SRSF9: variants seen among roughly 807,000 people sequenced by gnomAD.
SRSF9 encodes serine and arginine rich splicing factor 9.
In SRSF9, 3 loss-of-function variants were observed where a neutral mutation model predicts 25.9. That is an observed-to-expected ratio of 0.12 (90% CI 0.05 to 0.30). The LOEUF (loss-of-function observed/expected upper bound fraction) is 0.30. Ranked by LOEUF, SRSF9 falls within the 10% of genes least tolerant of loss-of-function variation. SRSF9 has a pLI of 1.00. For missense variants in SRSF9, 161 were observed against 303.5 expected, an observed-to-expected ratio of 0.53 and a Z score of 3.49; for synonymous variants, 114 against 113.2, an observed-to-expected ratio of 1.01 and a Z score of -0.05.
intron 3 of SRSF9, 65 bp downstream of exon 3, chr12:120,463,885 C>G: frequency 6.5e-7 from 1 of 1,534,460 alleles, no homozygotes. Context: ...CTTGCTACCT[C>G]TGCTAGGTCA....
rs779936408 is a variant in SRSF9, at chr12:120,462,165, G to GC, written c.523-4_523-3insG. 57 of 1,605,404 alleles carry GC rather than the reference G, an allele frequency of 3.6e-5. No individual in the cohort carries two copies. Among genetic ancestry groups the GC allele is most frequent in the Non-Finnish European group, 4.7e-5 (55 of 1,176,588 alleles). ...ACTCGGATGTAGGAAGTTTCACCCT[G>GC]AAATGCAAACAAAAACAAAAAGAGT... is the stretch of plus-strand genomic sequence containing the variant. On this transcript the variant is annotated splice_region_variant and splice_polypyrimidine_tract_variant and intron_variant, in intron 3 of 3. Coordinates refer to ENST00000229390, the MANE Select transcript of SRSF9 (RefSeq NM_003769.3).
intron 1 of SRSF9, among the ~76,000 whole-genome samples, chr12:120,467,761 T>C (rs1354466543): frequency 6.6e-6 from 1 of 151,282 alleles, no homozygotes; most frequent in Non-Finnish European, 1.5e-5. Context: ...GCGTATCATA[T>C]AGTAAGTTTG....
At chr12:120,462,232 C>T in intron 3 of SRSF9, 70 bp from the exon 4 acceptor site, 3 of 1,496,808 alleles carry the variant, frequency 2.0e-6, no homozygotes, top group South Asian at 1.2e-5. Flanking sequence ...AGCAAACCAA[C>T]ATCTAACAAT....
chr12:120,465,503 G>T, intron 2 of SRSF9, 124 bp downstream of exon 2: 1 of 1,079,450 alleles, frequency 9.3e-7, no homozygotes, highest in Non-Finnish European at 1.2e-6. Context: ...GCTTCACACA[G>T]GCTATTGAAA....
chr12:120,465,267 G>C (rs183778755), intron 2 of SRSF9: 1 of 167,316 alleles, frequency 6.0e-6, no homozygotes, highest in East Asian at 1.7e-4. Flanking sequence ...TCCAAGGCTG[G>C]GTAAGTTGTT....
At position 120,469,506 on chromosome 12, in the gene SRSF9, T is replaced by A. The variant is rs145350287; in HGVS notation, c.104A>T (p.Tyr35Phe). ...GATCTCGCGGATGCGGCCGTACTTGTAGAACAGGTCCTCCAAGTCCTTCTC... is the reference window on the plus strand; with the variant it reads ...GATCTCGCGGATGCGGCCGTACTTGAAGAACAGGTCCTCCAAGTCCTTCTC... The part of the protein sequence containing the change: ...VREKDLEDLF[Y>F]KYGRIREIEL... The change falls in exon 1 of 4, where the codon TAC (tyrosine) becomes TTC (phenylalanine). Residue 35 changes from tyrosine to phenylalanine, a missense_variant. Tyr to Phe is a conservative substitution (Grantham distance 22, BLOSUM62 3). This residue lies in a region of SRSF9 where 99 missense variants were observed against 156.7 expected (regional missense o/e 0.63). Coordinates refer to ENST00000229390, the MANE Select transcript of SRSF9 (RefSeq NM_003769.3). The A allele has an allele frequency of 0.032, 51,405 of 1,601,828 alleles. 1,043 individuals carry two copies. The highest frequency in any genetic ancestry group is 0.038 in the Non-Finnish European group (44,941 of 1,175,512).
chr12:120,469,465 G>A lies in SRSF9; in HGVS notation c.145C>T (p.His49Tyr), dbSNP rs1878583769. 1 of 1,598,704 alleles carries A rather than the reference G, an allele frequency of 6.3e-7. No homozygotes were observed. Among genetic ancestry groups the A allele is most frequent in the Non-Finnish European group, 8.5e-7 (1 of 1,173,962 alleles). The change falls in exon 1 of 4, where the codon CAC becomes TAC. Residue 49 changes from histidine (H) to tyrosine (Y), a missense_variant. His to Tyr is a moderately conservative substitution (Grantham distance 83). Transcript: ENST00000229390. ...RIREIELKNR[H>Y]GLVPFAFVRF... ...ACGAAGGCGAAGGGCACGAGGCCGTGCCGGTTCTTGAGCTCGATCTCGCGG... is the reference window on the plus strand; with the variant it reads ...ACGAAGGCGAAGGGCACGAGGCCGTACCGGTTCTTGAGCTCGATCTCGCGG...
intron 2 of SRSF9, chr12:120,465,337 A>G (rs908050588): frequency 4.1e-6 from 1 of 244,334 alleles, no homozygotes; most frequent in Non-Finnish European, 7.8e-6. Context: ...TTCCAAAAGA[A>G]GCATCTTTAG....
In SRSF9 at chr12:120,461,764, G is replaced by A. The variant is rs899313320; in HGVS notation, c.*255C>T. Reference sequence around the variant, plus strand: ...CATAGTAGAGCAACCCACAAAGACAGAACTGATTTTTTTCCCATAATCAGG... The same window carrying A: ...CATAGTAGAGCAACCCACAAAGACAAAACTGATTTTTTTCCCATAATCAGG... On this transcript the variant is annotated 3_prime_UTR_variant, in exon 4 of 4. Coordinates refer to ENST00000229390, the MANE Select transcript of SRSF9 (RefSeq NM_003769.3). 59 of 330,800 alleles carry A rather than the reference G, an allele frequency of 1.8e-4. 1 individual carries two copies. The highest frequency in any genetic ancestry group is 1.0e-4 in the Non-Finnish European group (19 of 182,744). 20.5% of individuals were successfully genotyped at this position (330,800 alleles called of 1,614,324 possible).
chr12:120,462,013 C>G lies in SRSF9; in HGVS notation c.*6G>C, dbSNP rs1592989795. 1 of 1,597,692 alleles carries G rather than the reference C, an allele frequency of 6.3e-7. No homozygotes were observed. Among genetic ancestry groups the G allele is most frequent in the Non-Finnish European group, 8.5e-7 (1 of 1,172,748 alleles). ...AAAAATAAAGAAAAAATTCCCATCA[C>G]CTGTCTCAGTAGGGCCTGAAAGGAG... On this transcript the variant is annotated 3_prime_UTR_variant, in exon 4 of 4. Coordinates refer to ENST00000229390, the MANE Select transcript of SRSF9 (RefSeq NM_003769.3).
At position 120,465,761 on chromosome 12, in the gene SRSF9, C is replaced by T; in HGVS notation, c.215G>A (p.Arg72Lys). 6.3e-7 allele frequency: 1 copy of T among 1,593,722 alleles called. No individual in the cohort carries two copies. The highest frequency in any genetic ancestry group is 8.5e-7 in the Non-Finnish European group (1 of 1,173,596). ...ACACTGGCCATAATCATAACCATTT[C>T]TTCCATAAATAGCATCCTCTGCATC... is the stretch of plus-strand genomic sequence containing the variant. Reference protein sequence around the residue: ...PRDAEDAIYGRNGYDYGQCRL... With the variant: ...PRDAEDAIYGKNGYDYGQCRL... Residue 72 changes from arginine (R) to lysine (K), a missense_variant, in exon 2 of 4, where the codon AGA becomes AAA. Arg to Lys is a conservative substitution (Grantham distance 26, BLOSUM62 2). This residue lies in a region of SRSF9 where 99 missense variants were observed against 156.7 expected (regional missense o/e 0.63). Coordinates refer to ENST00000229390, the MANE Select transcript of SRSF9 (RefSeq NM_003769.3).
intron 1 of SRSF9, among the ~76,000 whole-genome samples, chr12:120,466,949 T>C (rs934793801): frequency 2.0e-5 from 3 of 152,220 alleles, no homozygotes; most frequent in African/African-American, 7.2e-5. Context: ...TTACTTTAAG[T>C]CTTTCCTAGG....
At chr12:120,469,315 C>T in intron 1 of SRSF9, 107 bp downstream of exon 1, 1 of 634,372 alleles carries the variant, frequency 1.6e-6, no homozygotes, top group Non-Finnish European at 2.3e-6. Flanking sequence ...TGCGCGGAGG[C>T]GGGGGGAGGG....
chr12:120,467,460 CG>C (rs956066025), intron 1 of SRSF9, among the ~76,000 whole-genome samples: 5 of 145,244 alleles, frequency 3.4e-5, no homozygotes, highest in Admixed American at 1.3e-4. Context: ...GAGACTGTGC[CG>C]CTACACTCCA....
chr12:120,464,406 T>C (rs943498156), intron 2 of SRSF9: 4 of 284,582 alleles, frequency 1.4e-5, no homozygotes, highest in African/African-American at 8.7e-5. Flanking sequence ...TGAGAATTCA[T>C]AGCCTCTTTC....
chr12:120,466,311 C>T (rs1320128041), intron 1 of SRSF9, among the ~76,000 whole-genome samples: 1 of 152,052 alleles, frequency 6.6e-6, no homozygotes, highest in Non-Finnish European at 1.5e-5. Flanking sequence ...GATCACACTA[C>T]TGTACTCCAG....
chr12:120,464,692 G>T (rs987492826), intron 2 of SRSF9: 2 of 152,308 alleles, frequency 1.3e-5, no homozygotes, highest in Non-Finnish European at 2.9e-5. Flanking sequence ...GGGAAGGTAA[G>T]ACTCAGATGC....
At chr12:120,463,804 C>T in intron 3 of SRSF9, 146 bp downstream of exon 3, 1 of 919,132 alleles carries the variant, frequency 1.1e-6, no homozygotes, top group Non-Finnish European at 1.6e-6. Context: ...TTAGGCATAG[C>T]AAATTCCATG....
At chr12:120,468,289 G>A (rs1435610827) in intron 1 of SRSF9, among the ~76,000 whole-genome samples, 3 of 151,778 alleles carry the variant, frequency 2.0e-5, no homozygotes, top group African/African-American at 4.8e-5. Flanking sequence ...AAAATAAGAA[G>A]GAAAGAAAAA....
Sources: gnomAD v4.1 joint callset for allele counts (sites outside exome capture counted in the v4.1 genomes callset) on GRCh38, gnomAD v4.1.1 for gene constraint, gnomAD v4.1.1 regional missense constraint, MANE v1.5 for transcripts, NCBI Gene and HGNC (gene_info 2026-07-23, HGNC 2026-07-21) for gene names.